Variants in PACRG observed in about 807,000 individuals in gnomAD.
The protein encoded by PACRG is parkin coregulated gene protein.
Under a neutral mutation model 29.7 loss-of-function variants are expected in PACRG, and 29 were observed. The observed-to-expected ratio is 0.98, with a 90% CI of 0.73 to 1.33. The LOEUF is 1.33. Among genes scored for constraint, PACRG ranks in the 40% most tolerant of loss-of-function variants. The pLI, the probability that PACRG is intolerant of heterozygous loss-of-function variation, is 0.00. For missense variants in PACRG, 279 were observed against 316.2 expected (o/e 0.88, Z 0.89); for synonymous variants, 116 against 118.7 (o/e 0.98, Z 0.15).
At chr6:162,951,347 G>A (rs1045293702) in intron 2 of PACRG, among the ~76,000 whole-genome samples, 6 of 152,228 alleles carry the variant, frequency 3.9e-5, no homozygotes, top group African/African-American at 1.2e-4. Flanking sequence ...GATCAATATA[G>A]CTGAGCCCTG....
At chr6:163,308,156 C>T (rs554322349) in intron 4 of PACRG, among the ~76,000 whole-genome samples, 3 of 152,060 alleles carry the variant, frequency 2.0e-5, no homozygotes, top group Non-Finnish European at 4.4e-5. Context: ...ATTAAAAAAA[C>T]TCAAAAGCAA....
chr6:163,020,652 G>A (rs1001235293), intron 2 of PACRG, among the ~76,000 whole-genome samples: 2 of 151,972 alleles, frequency 1.3e-5, no homozygotes, highest in Admixed American at 1.3e-4. Context: ...TCTTAATTTT[G>A]TCATATTTTC....
rs34535656 is a variant in PACRG, at chr6:162,739,841, T to TAA, written c.156+11472_156+11473dup. On this transcript the variant is annotated intron_variant, in intron 1 of 4. Transcript: ENST00000366888. ...TGGCAACAGAGTGAGGCTCCATCTT[T>TAA]AAAAAAAAAAAAAAAAAAAAAAATT... 2.0e-3 allele frequency among the ~76,000 whole-genome samples: 260 copies of TAA among 130,100 alleles called. 1 individual carries two copies. The highest frequency in any genetic ancestry group is 0.013 in the East Asian group (57 of 4,466). 85.4% of individuals were successfully genotyped at this position (130,100 alleles called of 152,430 possible).
intron 1 of PACRG, among the ~76,000 whole-genome samples, chr6:162,751,104 A>G (rs1307265549): frequency 6.6e-6 from 1 of 152,016 alleles, no homozygotes; most frequent in Admixed American, 6.6e-5. Context: ...AGCCATATAC[A>G]TTATTTTTAT....
intron 1 of PACRG, among the ~76,000 whole-genome samples, chr6:162,795,923 A>G (rs1226429396): frequency 2.0e-5 from 3 of 152,112 alleles, no homozygotes; most frequent in Non-Finnish European, 4.4e-5. Context: ...TTTGCATGTT[A>G]ATTTTGCATG....
chr6:163,231,583 GA>G (rs1267363820), intron 4 of PACRG, among the ~76,000 whole-genome samples: 2 of 152,116 alleles, frequency 1.3e-5, no homozygotes, highest in Non-Finnish European at 2.9e-5. Context: ...CAGATCCGCT[GA>G]GCCAGGATGC....
At chr6:163,134,723 C>T (rs1418891633) in intron 4 of PACRG, among the ~76,000 whole-genome samples, 1 of 152,070 alleles carries the variant, frequency 6.6e-6, no homozygotes, top group Non-Finnish European at 1.5e-5. Context: ...CATTCTTTTC[C>T]CTAATACCTA....
chr6:162,885,836 A>G lies in PACRG; in HGVS notation c.291+71555A>G, dbSNP rs186696815. Among the ~76,000 whole-genome samples, 8 of 152,244 alleles carry G rather than the reference A, an allele frequency of 5.3e-5. No individual in the cohort carries two copies. The South Asian group carries it at 1.2e-3, about 24-fold the overall frequency. The stretch of plus-strand genomic sequence containing the variant: ...CTGTTTGCTGAATCATTTGAGAGCA[A>G]CTTGCAGACATTATGATCCTTCATC... On this transcript the variant is annotated intron_variant, in intron 2 of 4. Transcript: ENST00000366888.
chr6:163,202,212 G>A (rs989165818), intron 4 of PACRG, among the ~76,000 whole-genome samples: 1 of 152,134 alleles, frequency 6.6e-6, no homozygotes, highest in African/African-American at 2.4e-5. Flanking sequence ...ACTGGTCAGG[G>A]GTGGGAGTTG....
chr6:162,753,339 C>T (rs756765066), intron 1 of PACRG, among the ~76,000 whole-genome samples: 20 of 151,630 alleles, frequency 1.3e-4, no homozygotes, highest in Non-Finnish European at 2.8e-4. Flanking sequence ...CTACATAAAC[C>T]TGAGAGCATG....
intron 2 of PACRG, among the ~76,000 whole-genome samples, chr6:162,875,430 CACATTCACACACAG>C (rs1232012328): frequency 6.6e-6 from 1 of 152,150 alleles, no homozygotes; most frequent in Admixed American, 6.5e-5. Flanking sequence ...GTCATGCACA[CACATTCACACACAG>C]GCATTCATAC....
At chr6:162,859,146 T>C (rs184723806) in intron 2 of PACRG, among the ~76,000 whole-genome samples, 18 of 152,224 alleles carry the variant, frequency 1.2e-4, no homozygotes, top group African/African-American at 7.2e-5. Context: ...CAGTAGATGA[T>C]TGAAGCGAAG....
intron 4 of PACRG, among the ~76,000 whole-genome samples, chr6:163,196,921 AGACAGATAGATAGATAGAT>A (rs543707393): frequency 0.02 from 2,494 of 127,180 alleles, 57 homozygotes; most frequent in African/African-American, 0.071. Flanking sequence ...CAGACAGACT[AGACAGATAGATAGATAGAT>A]AGATAGATAG....
chr6:162,955,417 A>T (rs1465090351), intron 2 of PACRG, among the ~76,000 whole-genome samples: 1 of 152,026 alleles, frequency 6.6e-6, no homozygotes, highest in African/African-American at 2.4e-5. Flanking sequence ...CTCCTGCCTC[A>T]GCCTCCCGAG....
intron 4 of PACRG, among the ~76,000 whole-genome samples, chr6:163,192,975 G>A (rs553407069): frequency 9.9e-5 from 15 of 152,164 alleles, no homozygotes; most frequent in African/African-American, 2.2e-4. Flanking sequence ...CCCTTAAACC[G>A]GATCCCAAAG....
intron 2 of PACRG, among the ~76,000 whole-genome samples, chr6:162,906,845 A>G (rs1211533316): frequency 6.6e-6 from 1 of 152,212 alleles, no homozygotes; most frequent in Non-Finnish European, 1.5e-5. Flanking sequence ...ATGATCGTAT[A>G]CCTTGTATAT....
chr6:162,884,493 C>T (rs1165979095), intron 2 of PACRG, among the ~76,000 whole-genome samples: 2 of 152,038 alleles, frequency 1.3e-5, no homozygotes, highest in Non-Finnish European at 1.5e-5. Context: ...AAAATGTTAA[C>T]AGTAGGTAAA....
rs1220598053 is a variant in PACRG at position 162,777,582 on chromosome 6, C to T, written c.157-36565C>T. On this transcript the variant is annotated intron_variant, in intron 1 of 4. Transcript: ENST00000366888. This position sits in a 1 kb window ranked among gnomAD's most constrained non-coding sequence, Gnocchi z 4.0. The stretch of plus-strand genomic sequence containing the variant: ...TAATTATTAGTTTTTTAATCACAGC[C>T]TCCTATCCTCAAGTTCTAGGTAAAA... 2.0e-5 allele frequency among the ~76,000 whole-genome samples: 3 copies of T among 152,140 alleles called. No individual in the cohort carries two copies. The highest frequency in any genetic ancestry group is 4.4e-5 in the Non-Finnish European group (3 of 68,032).
chr6:163,274,810 T>C (rs190856528), intron 4 of PACRG, among the ~76,000 whole-genome samples: 188 of 152,318 alleles, frequency 1.2e-3, no homozygotes, highest in Admixed American at 2.8e-3. Context: ...TTACTTGGTA[T>C]GTACCTTTGC....
Sources: allele counts gnomAD v4.1 joint callset (sites outside exome capture counted in the v4.1 genomes callset), GRCh38; gene constraint gnomAD v4.1.1; non-coding constraint Gnocchi (gnomAD v3.1); transcripts MANE v1.5; gene names NCBI Gene and HGNC (gene_info 2026-07-23, HGNC 2026-07-21).